The following LRP1 variants were observed in gnomAD, a reference collection of about 807,000 sequenced individuals.
LRP1 encodes LDL receptor related protein 1.
LRP1 carries 51 observed loss-of-function variants against 541.5 expected under a neutral mutation model. The observed-to-expected ratio is 0.09, with a 90% CI of 0.08 to 0.12. The LOEUF (loss-of-function observed/expected upper bound fraction) is 0.12. Among genes scored for constraint, LRP1 ranks in the 10% least tolerant of loss-of-function variants. The pLI, the probability that LRP1 is intolerant of heterozygous loss-of-function variation, is 1.00. For synonymous variants in LRP1, 2,219 were observed against 2,470.8 expected (o/e 0.90, Z 3.02); for missense variants, 3,878 against 6,376.2 (o/e 0.61, Z 13.34).
rs558162662 is a variant in LRP1 at position 57,180,158 on chromosome 12, C to G, written c.5236+17C>G. On this transcript the variant is annotated intron_variant, in intron 31 of 88. Coordinates refer to ENST00000243077, the MANE Select transcript of LRP1 (RefSeq NM_002332.3). ...GCCCCGTGGGTACGAGCTTCCCTGC[C>G]CACCCCCACAGCCCCTCCCTAATTC... The G allele has an allele frequency of 4.9e-5, 79 of 1,610,596 alleles. No individual in the cohort carries two copies. Among genetic ancestry groups the G allele is most frequent in the Non-Finnish European group, 3.4e-6 (4 of 1,177,216 alleles).
At position 57,160,018 on chromosome 12, in the gene LRP1, A is replaced by G; in HGVS notation, c.1979+13A>G. 6.2e-7 allele frequency: 1 copy of G among 1,612,848 alleles called. No homozygotes were observed. The highest frequency in any genetic ancestry group is 8.5e-7 in the Non-Finnish European group (1 of 1,179,126). The stretch of plus-strand genomic sequence containing the variant: ...ATCCACTCAATGGGTGAGTCCTCCC[A>G]GGCCTTGGGGTGGGAGGAGCTGGGA... On this transcript the variant is annotated intron_variant, in intron 12 of 88. Coordinates refer to ENST00000243077, the MANE Select transcript of LRP1 (RefSeq NM_002332.3).
Position 57,197,747 on chromosome 12 carries a change from A to AT in LRP1, c.9282+83_9282+84insT. 1 of 1,532,826 alleles carries AT rather than the reference A, an allele frequency of 6.5e-7. No individual in the cohort carries two copies. Among genetic ancestry groups the AT allele is most frequent in the Non-Finnish European group, 8.8e-7 (1 of 1,131,498 alleles). 95.0% of individuals were successfully genotyped at this position (1,532,826 alleles called of 1,614,324 possible). A position where few individuals can be genotyped will look rare whatever the true frequency, so the allele number is the denominator to read the frequency against. ...ATCGTCTCTCCTTCCCGCCCCACCA[A>AT]CCCAAATTGCTTCCTTCTCACTCCA... On this transcript the variant is annotated intron_variant, in intron 58 of 88. Coordinates refer to ENST00000243077, the MANE Select transcript of LRP1 (RefSeq NM_002332.3). This position sits in a 1 kb window ranked among gnomAD's most constrained non-coding sequence, Gnocchi z 4.5.
rs2136696174 is a variant in LRP1 at position 57,173,459 on chromosome 12, G to A, written c.3346+109G>A. ...GGATGGCACTGTGCTGTGTGGAGTG[G>A]TGCTGGGGACAGTGCAAGGCAAAAG... On this transcript the variant is annotated intron_variant, in intron 21 of 88. Transcript: ENST00000243077. This position sits in a 1 kb window ranked among gnomAD's most constrained non-coding sequence, Gnocchi z 4.7. The A allele has an allele frequency of 1.6e-6, 2 of 1,254,970 alleles. No homozygotes were observed. Among genetic ancestry groups the A allele is most frequent in the Middle Eastern group, 4.0e-4 (2 of 5,038 alleles). The allele number at this position is 1,254,970 out of a possible 1,614,324, so 77.7% of individuals were successfully genotyped here.
intron 1 of LRP1, among the ~76,000 whole-genome samples, chr12:57,134,399 G>A (rs1228828783): frequency 6.6e-6 from 1 of 152,020 alleles, no homozygotes; most frequent in Non-Finnish European, 1.5e-5. Context: ...CCACTGCCAG[G>A]GCCAGAGAAC....
intron 32 of LRP1, 30 bp from the exon 33 acceptor site, chr12:57,180,637 C>T (rs1308746490): frequency 6.2e-7 from 1 of 1,613,454 alleles, no homozygotes; most frequent in East Asian, 2.2e-5. Flanking sequence ...GGGGCCTTCC[C>T]AAGGGTCTCA....
At chr12:57,180,594 A>C in intron 32 of LRP1, 73 bp from the exon 33 acceptor site, 2 of 1,608,854 alleles carry the variant, frequency 1.2e-6, no homozygotes, top group Non-Finnish European at 1.7e-6. Flanking sequence ...CTGATGACTT[A>C]GGGCCAATGG....
At position 57,166,930 on chromosome 12, in the gene LRP1, C is replaced by T. The variant is rs2035852113; in HGVS notation, c.2798C>T (p.Ala933Val). 5.0e-6 allele frequency: 8 copies of T among 1,588,710 alleles called. No individual in the cohort carries two copies. Among genetic ancestry groups the T allele is most frequent in the Non-Finnish European group, 6.9e-6 (8 of 1,157,300 alleles). ...SEDESNATCS[A>V]RTCPPNQFSC... is the part of the protein sequence containing the mutation. ...ACTCACACCCATCCCTGCCCCCCAG[C>T]CCGCACCTGCCCCCCCAACCAGTTC... is the stretch of plus-strand genomic sequence containing the variant. Residue 933 changes from alanine to valine, a missense_variant and splice_region_variant, in exon 18 of 89, where the codon GCC (alanine) becomes GTC (valine). This residue lies in a region of LRP1 where 29 missense variants were observed against 20.7 expected (regional missense o/e 1.40). Transcript: ENST00000243077.
In LRP1 at chr12:57,178,762, AGAG is replaced by A; in HGVS notation, c.4607-127_4607-125del. The A allele has an allele frequency of 8.6e-6, 13 of 1,505,110 alleles. 1 individual carries two copies. Among genetic ancestry groups the A allele is most frequent in the Admixed American group, 1.9e-5 (1 of 53,734 alleles). 93.2% of individuals were successfully genotyped at this position (1,505,110 alleles called of 1,614,324 possible). ...GTTGACAGAGGCACTGTCTAGCAGC[AGAG>A]AAGGGTCTAGTAGTAGCGGCTGCTG... On this transcript the variant is annotated intron_variant, in intron 27 of 88. Transcript: ENST00000243077. This position sits in a 1 kb window ranked among gnomAD's most constrained non-coding sequence, Gnocchi z 5.8.
chr12:57,166,964 C>T lies in LRP1; in HGVS notation c.2832C>T (p.Ala944=), dbSNP rs998025908. The T allele has an allele frequency of 5.6e-6, 9 of 1,614,002 alleles. No individual in the cohort carries two copies. The highest frequency in any genetic ancestry group is 2.2e-5 in the South Asian group (2 of 91,088). ...RTCPPNQFSC[A]SGRCIPISWT... is the part of the protein sequence containing the mutation. Reference sequence around the variant, plus strand: ...GCCCCCCCAACCAGTTCTCCTGTGCCAGTGGCCGCTGCATCCCCATCTCCT... The same window carrying T: ...GCCCCCCCAACCAGTTCTCCTGTGCTAGTGGCCGCTGCATCCCCATCTCCT... Residue 944 remains alanine, a synonymous_variant, in exon 18 of 89, where the codon GCC becomes GCT. Coordinates refer to ENST00000243077, the MANE Select transcript of LRP1 (RefSeq NM_002332.3).
At chr12:57,194,322 C>T (rs776908234) in intron 48 of LRP1, 32 bp from the exon 49 acceptor site, 2 of 1,506,108 alleles carry the variant, frequency 1.3e-6, no homozygotes, top group Non-Finnish European at 1.8e-6. Flanking sequence ...CCAGGGGGAA[C>T]CAGGTATCAC....
chr12:57,205,589 C>T lies in LRP1; in HGVS notation c.11502C>T (p.Cys3834=), dbSNP rs917557822. Residue 3834 remains cysteine, a synonymous_variant, in exon 75 of 89, where the codon TGC becomes TGT. Transcript: ENST00000243077. The surrounding 1 kb of genome is among the most constrained non-coding windows in gnomAD (Gnocchi z 4.6). ...ACGAGTGCCTGCGCTTCGGCACCTG[C>T]TCCCAGCTCTGCAACAACACCAAGG... is the stretch of plus-strand genomic sequence containing the variant. The part of the protein sequence containing the change: ...DINECLRFGT[C]SQLCNNTKGG... 1.9e-6 allele frequency: 3 copies of T among 1,613,896 alleles called. No homozygotes were observed. Among genetic ancestry groups the T allele is most frequent in the Non-Finnish European group, 2.5e-6 (3 of 1,180,040 alleles).
intron 22 of LRP1, among the ~76,000 whole-genome samples, chr12:57,174,390 A>G (rs558456195): frequency 1.6e-4 from 24 of 152,148 alleles, no homozygotes; most frequent in Non-Finnish European, 3.5e-4. Flanking sequence ...CAAAGGCACC[A>G]GGGTTGACTG....
Position 57,185,068 on chromosome 12 carries a change from G to C in LRP1, c.6339-13G>C. On this transcript the variant is annotated splice_polypyrimidine_tract_variant and intron_variant, in intron 39 of 88. Transcript: ENST00000243077. This position sits in a 1 kb window ranked among gnomAD's most constrained non-coding sequence, Gnocchi z 4.9. ...TCCACTGATGCCCTGCTTGTGCCCT[G>C]TCCTTCCCTCAGGACTCATGCCAAC... is the stretch of plus-strand genomic sequence containing the variant. 1.9e-6 allele frequency: 3 copies of C among 1,614,092 alleles called. No homozygotes were observed. The highest frequency in any genetic ancestry group is 2.5e-6 in the Non-Finnish European group (3 of 1,180,004).
chr12:57,153,069 A>G (rs556428175), intron 6 of LRP1, among the ~76,000 whole-genome samples: 126 of 152,334 alleles, frequency 8.3e-4, no homozygotes, highest in Non-Finnish European at 1.6e-3. Context: ...GTTTCAGCCC[A>G]AAGCAGGTAG....
Position 57,205,567 on chromosome 12 carries a change from A to G in LRP1, c.11480A>G (p.Glu3827Gly). ...PGQPGCQDIN[E>G]CLRFGTCSQL... ...TCCCTGTAACCCTTAGACATCAACG[A>G]GTGCCTGCGCTTCGGCACCTGCTCC... The change falls in exon 75 of 89, where the codon GAG (glutamate) becomes GGG (glycine). Residue 3827 changes from glutamate to glycine, a missense_variant. Physicochemically the swap from Glu to Gly is moderately conservative, Grantham distance 98. This residue lies in a region of LRP1 where 871 missense variants were observed against 1,212.4 expected (regional missense o/e 0.72). Transcript: ENST00000243077. This position sits in a 1 kb window ranked among gnomAD's most constrained non-coding sequence, Gnocchi z 4.6. 6.2e-7 allele frequency: 1 copy of G among 1,613,964 alleles called. No homozygotes were observed.
At chr12:57,149,455 A>C (rs2035483561) in intron 6 of LRP1, 1 of 594,692 alleles carries the variant, frequency 1.7e-6, no homozygotes, top group Non-Finnish European at 3.0e-6. Flanking sequence ...CTCTCCACCC[A>C]GACTGCTCCC....
intron 81 of LRP1, 35 bp downstream of exon 81, chr12:57,210,204 C>T (rs1193766912): frequency 1.2e-5 from 18 of 1,563,474 alleles, no homozygotes; most frequent in Non-Finnish European, 1.4e-5. Context: ...AGCCATGCCT[C>T]AGGACCATCT....
chr12:57,181,032 G>T, intron 33 of LRP1, 125 bp from the exon 34 acceptor site: 1 of 1,296,340 alleles, frequency 7.7e-7, no homozygotes, highest in Non-Finnish European at 1.1e-6. Context: ...AGCTGGGTAG[G>T]GTGGTGACCC....
chr12:57,179,073 C>A lies in LRP1; in HGVS notation c.4738+52C>A. On this transcript the variant is annotated intron_variant, in intron 28 of 88. Coordinates refer to ENST00000243077, the MANE Select transcript of LRP1 (RefSeq NM_002332.3). The surrounding 1 kb of genome is among the most constrained non-coding windows in gnomAD (Gnocchi z 6.8). ...TGAGCAACTGAGGCTGGAGGGAAGG[C>A]CGCAGGCCCCAGGATCCCGGTTGTC... The A allele has an allele frequency of 6.3e-7, 1 of 1,586,024 alleles. No individual in the cohort carries two copies. Among genetic ancestry groups the A allele is most frequent in the South Asian group, 1.1e-5 (1 of 87,216 alleles).
Sources: allele counts gnomAD v4.1 joint callset (sites outside exome capture counted in the v4.1 genomes callset), GRCh38; gene constraint gnomAD v4.1.1; regional missense constraint gnomAD v4.1.1; non-coding constraint Gnocchi (gnomAD v3.1); transcripts MANE v1.5; gene names NCBI Gene and HGNC (gene_info 2026-07-23, HGNC 2026-07-21).